Variants in NFIL3 observed in about 807,000 individuals in gnomAD.
NFIL3 encodes nuclear factor, interleukin 3 regulated, also known as nuclear factor interleukin-3-regulated protein.
In NFIL3, 5 loss-of-function variants were observed where a neutral mutation model predicts 10.0. That is an observed-to-expected ratio of 0.50 (90% CI 0.26 to 1.06). The LOEUF is 1.06. Among genes scored for constraint, NFIL3 ranks in the 50% least tolerant of loss-of-function variants. NFIL3 has a pLI of 0.13. For synonymous variants in NFIL3, 202 were observed against 206.5 expected (o/e 0.98, Z 0.19); for missense variants, 436 against 547.6 (o/e 0.80, Z 2.03).
chr9:91,444,546 G>A, the NFIL3 span, among the ~76,000 whole-genome samples: 1,096 of 152,270 alleles, frequency 7.2e-3, 12 homozygotes, highest in African/African-American at 0.026. Context: ...ATCTGGTGGA[G>A]CAGTCACCTC....
the NFIL3 span, among the ~76,000 whole-genome samples, chr9:91,469,959 T>C: frequency 0.068 from 10,371 of 152,182 alleles, 650 homozygotes; most frequent in East Asian, 0.17. Context: ...ATTTTCACAT[T>C]GATGTTCATC....
chr9:91,466,902 C>T, the NFIL3 span, among the ~76,000 whole-genome samples: 5 of 152,020 alleles, frequency 3.3e-5, no homozygotes, highest in African/African-American at 9.7e-5. Context: ...ATTTTTTAGG[C>T]GAGATTCATA....
At position 91,409,973 on chromosome 9, in the gene NFIL3, C is replaced by T. The variant is rs757764285; in HGVS notation, c.762G>A (p.Gly254=). The change falls in exon 2 of 2, where the codon GGG becomes GGA. Residue 254 remains glycine, a synonymous_variant. Coordinates refer to ENST00000297689, the MANE Select transcript of NFIL3 (RefSeq NM_005384.3). The part of the protein sequence containing the change: ...YQNYMGNSFS[G]YSHSPPLLQV... ...GCAGTAGTGGGGGAGAGTGTGAGTA[C>T]CCAGAGAAAGAATTCCCCATATAGT... 4.3e-6 allele frequency: 7 copies of T among 1,613,254 alleles called. No individual in the cohort carries two copies. The East Asian group carries it at 6.7e-5, about 15-fold the overall frequency.
At position 91,409,801 on chromosome 9, in the gene NFIL3, C is replaced by T. The variant is rs150028386; in HGVS notation, c.934G>A (p.Val312Met). ...PVELKHVHAT[V>M]VKVPEVNSSA... The stretch of plus-strand genomic sequence containing the variant: ...GAATTCACTTCTGGAACTTTAACCA[C>T]AGTTGCATGCACATGCTTGAGTTCA... Residue 312 changes from valine to methionine, a missense_variant, in exon 2 of 2, where the codon GTG (valine) becomes ATG (methionine). Physicochemically the swap from Val to Met is conservative, Grantham distance 21. Around this residue, in one of 3 missense-constraint regions of NFIL3, gnomAD observed 338 missense variants for 399.9 expected, o/e 0.85. Transcript: ENST00000297689. 3.7e-6 allele frequency: 6 copies of T among 1,614,156 alleles called. 1 individual carries two copies. In the South Asian group the frequency reaches 4.4e-5, roughly 12 times the overall value.
Position 91,410,840 on chromosome 9 carries a change from T to C in NFIL3, c.-106A>G. ...TTTAAAATCCATCAATATTCTTCCT[T>C]TTGTTCTACCGTCTGGGATAAATCC... On this transcript the variant is annotated 5_prime_UTR_variant, in exon 2 of 2. Transcript: ENST00000297689. The surrounding 1 kb of genome is among the most constrained non-coding windows in gnomAD (Gnocchi z 5.7). 8.2e-7 allele frequency: 1 copy of C among 1,225,250 alleles called. No individual in the cohort carries two copies. The highest frequency in any genetic ancestry group is 1.7e-5 in the South Asian group (1 of 59,914). The allele number at this position is 1,225,250 out of a possible 1,614,324, so 75.9% of individuals were successfully genotyped here.
intron 1 of NFIL3, among the ~76,000 whole-genome samples, chr9:91,422,392 A>C (rs911006093): frequency 6.6e-6 from 1 of 152,202 alleles, no homozygotes; most frequent in African/African-American, 2.4e-5. Context: ...TTAGGGCAAA[A>C]GACACACATT....
At chr9:91,459,552 G>A in the NFIL3 span, among the ~76,000 whole-genome samples, 1 of 152,082 alleles carries the variant, frequency 6.6e-6, no homozygotes, top group Admixed American at 6.5e-5. Flanking sequence ...TGAGCATGGT[G>A]GTGTGCACCA....
chr9:91,422,963 C>G (rs1430889346), intron 1 of NFIL3, among the ~76,000 whole-genome samples: 1 of 152,162 alleles, frequency 6.6e-6, no homozygotes, highest in Non-Finnish European at 1.5e-5. Flanking sequence ...CACATCAGCC[C>G]GCAATTCTTG....
At chr9:91,447,871 T>G in the NFIL3 span, among the ~76,000 whole-genome samples, 1 of 152,212 alleles carries the variant, frequency 6.6e-6, no homozygotes, top group Non-Finnish European at 1.5e-5. Context: ...TCCCTTTTGT[T>G]AATTGTGCTT....
chr9:91,476,360 G>A, the NFIL3 span, among the ~76,000 whole-genome samples: 1 of 152,140 alleles, frequency 6.6e-6, no homozygotes, highest in African/African-American at 2.4e-5. Context: ...ATCACCTGAG[G>A]TCAGGTGTTT....
chr9:91,436,014 T>C, the NFIL3 span, among the ~76,000 whole-genome samples: 1 of 152,144 alleles, frequency 6.6e-6, no homozygotes, highest in Non-Finnish European at 1.5e-5. Context: ...CCCAAAAAAC[T>C]CCAGGCAACT....
At chr9:91,460,644 G>A in the NFIL3 span, among the ~76,000 whole-genome samples, 1 of 152,100 alleles carries the variant, frequency 6.6e-6, no homozygotes, top group South Asian at 2.1e-4. Flanking sequence ...GAGATGGAAT[G>A]TTTATCCACC....
upstream of NFIL3, chr9:91,427,221 A>G (rs1833881362): frequency 6.6e-6 from 1 of 150,964 alleles, no homozygotes; most frequent in Non-Finnish European, 1.5e-5. Flanking sequence ...CAGTTTAGGC[A>G]AGCAATTCAT....
chr9:91,463,642 T>G, the NFIL3 span, among the ~76,000 whole-genome samples: 1 of 152,128 alleles, frequency 6.6e-6, no homozygotes, highest in Non-Finnish European at 1.5e-5. Flanking sequence ...CTGCTGCTGT[T>G]GGGCGAAGAC....
the NFIL3 span, among the ~76,000 whole-genome samples, chr9:91,470,815 T>C: frequency 6.6e-6 from 1 of 152,220 alleles, no homozygotes; most frequent in Non-Finnish European, 1.5e-5. Context: ...TCAGTTTCCA[T>C]GTAGTTGTGT....
chr9:91,447,380 C>T, the NFIL3 span, among the ~76,000 whole-genome samples: 1 of 152,132 alleles, frequency 6.6e-6, no homozygotes. Flanking sequence ...TATAGTAATC[C>T]TATGTTTAGC....
chr9:91,455,947 AC>A, the NFIL3 span, among the ~76,000 whole-genome samples: 3 of 152,002 alleles, frequency 2.0e-5, no homozygotes, highest in Non-Finnish European at 4.4e-5. Context: ...CCTTACCCTC[AC>A]CCAATATTCT....
At chr9:91,476,571 T>TA in the NFIL3 span, among the ~76,000 whole-genome samples, 3,156 of 134,036 alleles carry the variant, frequency 0.024, 35 homozygotes, top group South Asian at 0.054. Context: ...AGAATCCGTC[T>TA]AAAAAAAAAA....
chr9:91,410,273 A>C lies in NFIL3; in HGVS notation c.462T>G (p.Thr154=), dbSNP rs150557407. The C allele has an allele frequency of 5.8e-5, 93 of 1,614,224 alleles. No homozygotes were observed. The African/African-American group carries it at 1.2e-3, about 20-fold the overall frequency. Residue 154 remains threonine (T), a synonymous_variant, in exon 2 of 2, where the codon ACT becomes ACG. Coordinates refer to ENST00000297689, the MANE Select transcript of NFIL3 (RefSeq NM_005384.3). This position sits in a 1 kb window ranked among gnomAD's most constrained non-coding sequence, Gnocchi z 5.7. The stretch of plus-strand genomic sequence containing the variant: ...CAAATGAACTCACATTGGATTTGGA[A>C]GTCTGGTAATCTTGAAAGTACACAG... ...STAVYFQDYQ[T]SKSNVSSFVD...
Sources: allele counts gnomAD v4.1 joint callset (sites outside exome capture counted in the v4.1 genomes callset), GRCh38; gene constraint gnomAD v4.1.1; regional missense constraint gnomAD v4.1.1; non-coding constraint Gnocchi (gnomAD v3.1); transcripts MANE v1.5; gene names NCBI Gene and HGNC (gene_info 2026-07-23, HGNC 2026-07-21).